RNF121: variants seen among roughly 807,000 people sequenced by gnomAD.
The protein encoded by RNF121 is E3 ubiquitin ligase RNF121.
Under a neutral mutation model 46.5 loss-of-function variants are expected in RNF121, and 21 were observed. That is an observed-to-expected ratio of 0.45 (90% CI 0.32 to 0.65). The LOEUF (loss-of-function observed/expected upper bound fraction) is 0.65, where lower values mean the gene tolerates loss of function less well. RNF121 is among the 30% of genes least tolerant of loss of function. The pLI is 0.04. For missense variants in RNF121, 346 were observed against 416.0 expected (o/e 0.83, Z 1.46); for synonymous variants, 139 against 144.7 (o/e 0.96, Z 0.28).
intron 1 of RNF121, among the ~76,000 whole-genome samples, chr11:71,938,047 C>G (rs1953462584): frequency 6.6e-6 from 1 of 152,168 alleles, no homozygotes; most frequent in African/African-American, 2.4e-5. Flanking sequence ...AAAGAGGAAG[C>G]AGAGAGCACA....
intron 3 of RNF121, among the ~76,000 whole-genome samples, chr11:71,969,270 G>A (rs1424644984): frequency 6.6e-6 from 1 of 152,084 alleles, no homozygotes; most frequent in East Asian, 1.9e-4. Context: ...GAATGGGTGA[G>A]TTAGTTGTGA....
intron 3 of RNF121, among the ~76,000 whole-genome samples, chr11:71,970,405 A>G (rs1954395368): frequency 6.6e-6 from 1 of 152,226 alleles, no homozygotes; most frequent in African/African-American, 2.4e-5. Context: ...TTACACCTCT[A>G]ATCCCAGCAC....
At chr11:71,946,284 A>C (rs1953715459) in intron 1 of RNF121, among the ~76,000 whole-genome samples, 1 of 152,264 alleles carries the variant, frequency 6.6e-6, no homozygotes, top group African/African-American at 2.4e-5. Context: ...TTTAGTAAGA[A>C]AAGGAGTGAA....
At chr11:71,978,695 C>T (rs950354977) in intron 3 of RNF121, among the ~76,000 whole-genome samples, 1 of 152,208 alleles carries the variant, frequency 6.6e-6, no homozygotes, top group African/African-American at 2.4e-5. Flanking sequence ...GTATTTACTA[C>T]ACTGCTTATA....
In RNF121 at chr11:71,979,547, A is replaced by G. The variant is rs529416037; in HGVS notation, c.244-3214A>G. ...TCCTAAAATTTCAAGCCCAAAAACT[A>G]CAAAACAAAGCAAGATTTTTCATTC... On this transcript the variant is annotated intron_variant, in intron 3 of 8. Coordinates refer to ENST00000361756, the MANE Select transcript of RNF121 (RefSeq NM_018320.5). 4.6e-5 allele frequency among the ~76,000 whole-genome samples: 7 copies of G among 152,362 alleles called. No homozygotes were observed. In the East Asian group the frequency reaches 9.6e-4, roughly 21 times the overall value.
At chr11:71,991,680 A>G (rs1954864984) in intron 6 of RNF121, among the ~76,000 whole-genome samples, 1 of 152,312 alleles carries the variant, frequency 6.6e-6, no homozygotes, top group Middle Eastern at 3.4e-3. Context: ...AAGAGCATTC[A>G]TAAGAGTCCT....
chr11:71,984,794 T>C (rs1274947189), intron 4 of RNF121, among the ~76,000 whole-genome samples: 1 of 132,726 alleles, frequency 7.5e-6, no homozygotes, highest in Non-Finnish European at 1.6e-5. Flanking sequence ...AGAGACAGGG[T>C]TTCACCATGT....
intron 7 of RNF121, 117 bp downstream of exon 7, chr11:71,994,969 G>A (rs769546656): frequency 1.1e-4 from 150 of 1,368,828 alleles, no homozygotes; most frequent in Non-Finnish European, 1.4e-4. Flanking sequence ...GAGTGTAGGA[G>A]AGCCACAAGA....
rs113915506 is a variant in RNF121, at chr11:71,960,969, A to C, written c.243+78A>C. ...CCTAAGTATTCTAGGTCCCAGCCTA[A>C]CCCAGGCCACATGGAGGTGGAGAAA... On this transcript the variant is annotated intron_variant, in intron 3 of 8. Coordinates refer to ENST00000361756, the MANE Select transcript of RNF121 (RefSeq NM_018320.5). 9 of 1,503,202 alleles carry C rather than the reference A, an allele frequency of 6.0e-6. No individual in the cohort carries two copies. In the African/African-American group the frequency reaches 8.3e-5, roughly 14 times the overall value. 93.1% of individuals were successfully genotyped at this position (1,503,202 alleles called of 1,614,324 possible).
chr11:71,980,251 C>T (rs977614757), intron 3 of RNF121, among the ~76,000 whole-genome samples: 2 of 152,214 alleles, frequency 1.3e-5, no homozygotes, highest in African/African-American at 4.8e-5. Context: ...CCCTCGGGTA[C>T]ACAGAATGGG....
At chr11:71,990,800 A>G in intron 6 of RNF121, 83 bp downstream of exon 6, 2 of 1,530,620 alleles carry the variant, frequency 1.3e-6, no homozygotes, top group South Asian at 1.2e-5. Flanking sequence ...ATGGAAGAGA[A>G]AGGCACTAGG....
In RNF121 at chr11:71,968,115, G is replaced by GC. The variant is rs1178502173; in HGVS notation, c.243+7225dup. 2.0e-5 allele frequency among the ~76,000 whole-genome samples: 3 copies of GC among 151,568 alleles called. No individual in the cohort carries two copies. The East Asian group carries it at 5.8e-4, about 29-fold the overall frequency. On this transcript the variant is annotated intron_variant, in intron 3 of 8. Transcript: ENST00000361756. Reference sequence around the variant, plus strand: ...CCTGCTCTGTCGCCCAGTTTGGAGTGCAGTGGCATGCTCTCGGCTCACTGC... The same window carrying GC: ...CCTGCTCTGTCGCCCAGTTTGGAGTGCCAGTGGCATGCTCTCGGCTCACTGC...
intron 2 of RNF121, among the ~76,000 whole-genome samples, chr11:71,959,761 G>C (rs1219566353): frequency 6.6e-6 from 1 of 151,472 alleles, no homozygotes; most frequent in Non-Finnish European, 1.5e-5. Flanking sequence ...TCAGCCTCCT[G>C]AGTAGCTGGG....
chr11:71,944,423 G>A (rs1953664938), intron 1 of RNF121, among the ~76,000 whole-genome samples: 1 of 152,174 alleles, frequency 6.6e-6, no homozygotes, highest in African/African-American at 2.4e-5. Flanking sequence ...AGGGACTAAG[G>A]GGCAGGAAAA....
intron 1 of RNF121, among the ~76,000 whole-genome samples, chr11:71,942,783 T>TAGATATATAGATATATATATATAG (rs200563413): frequency 0.17 from 2,906 of 17,220 alleles, 39 homozygotes; most frequent in Middle Eastern, 0.43. Flanking sequence ...TATATATATA[T>TAGATATATAGATATATATATATAG]ATATATAGAT....
intron 3 of RNF121, among the ~76,000 whole-genome samples, chr11:71,981,390 C>A (rs1011209044): frequency 4.6e-5 from 7 of 152,172 alleles, no homozygotes; most frequent in Admixed American, 1.3e-4. Flanking sequence ...TGCCAGGAAA[C>A]TAGCCGCTCT....
intron 1 of RNF121, among the ~76,000 whole-genome samples, chr11:71,940,095 A>G (rs890381069): frequency 2.6e-5 from 4 of 152,242 alleles, no homozygotes; most frequent in Admixed American, 2.0e-4. Context: ...AGGTAAAAGC[A>G]TATGTATAAA....
At chr11:71,938,980 C>G (rs1953494601) in intron 1 of RNF121, 1 of 152,514 alleles carries the variant, frequency 6.6e-6, no homozygotes, top group Non-Finnish European at 1.5e-5. Context: ...TCTCGGCTCA[C>G]TGCAACCTTT....
chr11:71,958,244 C>A (rs914592443), intron 2 of RNF121, among the ~76,000 whole-genome samples: 1 of 152,140 alleles, frequency 6.6e-6, no homozygotes, highest in African/African-American at 2.4e-5. Flanking sequence ...TAATAGTCTT[C>A]ATATCATGTT....
Sources: gnomAD v4.1 joint callset for allele counts (sites outside exome capture counted in the v4.1 genomes callset) on GRCh38, gnomAD v4.1.1 for gene constraint, MANE v1.5 for transcripts, NCBI Gene and HGNC (gene_info 2026-07-23, HGNC 2026-07-21) for gene names.